The following GSTCD variants were observed in gnomAD, a reference collection of about 807,000 sequenced individuals.
The protein encoded by GSTCD is glutathione S-transferase C-terminal domain containing, also known as glutathione S-transferase C-terminal domain-containing protein.
In GSTCD, 44 loss-of-function variants were observed where a neutral mutation model predicts 68.3. The ratio of observed to expected loss-of-function variants is 0.64; its 90% CI spans 0.51 to 0.83. The LOEUF (loss-of-function observed/expected upper bound fraction) is 0.83, where lower values mean the gene tolerates loss of function less well. GSTCD is among the 40% of genes least tolerant of loss of function. GSTCD has a pLI of 0.00. For synonymous variants in GSTCD, 273 were observed against 255.2 expected, an observed-to-expected ratio of 1.07 and a Z score of -0.67; for missense variants, 739 against 735.9, an observed-to-expected ratio of 1.00 and a Z score of -0.05.
At chr4:105,790,016 C>T (rs1735604499) in intron 5 of GSTCD, among the ~76,000 whole-genome samples, 1 of 151,674 alleles carries the variant, frequency 6.6e-6, no homozygotes, top group African/African-American at 2.4e-5. Context: ...CACCAGATTA[C>T]TCTTAATATT....
chr4:105,718,108 T>A lies in GSTCD; in HGVS notation c.426+69T>A, dbSNP rs567652733. 18 of 1,198,690 alleles carry A rather than the reference T, an allele frequency of 1.5e-5. No homozygotes were observed. The African/African-American group carries it at 2.5e-4, about 16-fold the overall frequency. 74.3% of individuals were successfully genotyped at this position (1,198,690 alleles called of 1,614,324 possible). ...ATAACATAATTACCTGACCATTTAA[T>A]ATTTTAACTTCCTATTAGGAATAAA... On this transcript the variant is annotated intron_variant, in intron 2 of 11. Transcript: ENST00000515279.
intron 5 of GSTCD, among the ~76,000 whole-genome samples, chr4:105,782,593 C>CTT (rs34412787): frequency 1.2e-4 from 18 of 148,390 alleles, no homozygotes; most frequent in Non-Finnish European, 1.9e-4. Context: ...CTTGAGAATC[C>CTT]TTTTTTTTTT....
intron 5 of GSTCD, among the ~76,000 whole-genome samples, chr4:105,820,270 AT>A (rs1387289007): frequency 7.9e-5 from 12 of 151,766 alleles, no homozygotes; most frequent in African/African-American, 2.9e-4. Flanking sequence ...GAAGTGTCTA[AT>A]CAAGTACCTC....
At chr4:105,718,435 C>T (rs1442251590) in intron 2 of GSTCD, among the ~76,000 whole-genome samples, 1 of 152,182 alleles carries the variant, frequency 6.6e-6, no homozygotes, top group Non-Finnish European at 1.5e-5. Context: ...GACATGCCTG[C>T]ACTCCCTTTG....
At position 105,834,481 on chromosome 4, in the gene GSTCD, A is replaced by C. The variant is rs1724029901; in HGVS notation, c.1551A>C (p.Gly517=). The change falls in exon 9 of 12, where the codon GGA becomes GGC. Residue 517 remains glycine (G), a synonymous_variant. Coordinates refer to ENST00000515279, the MANE Select transcript of GSTCD (RefSeq NM_001370181.1). The part of the protein sequence containing the change: ...FNIGVALHAC[G]VATDMVIEHC... ...TGTAGGTAGCATTGCATGCTTGTGG[A>C]GTGGCAACAGACATGGTGATTGAGC... 1 of 1,613,926 alleles carries C rather than the reference A, an allele frequency of 6.2e-7. No individual in the cohort carries two copies.
intron 5 of GSTCD, among the ~76,000 whole-genome samples, chr4:105,750,353 G>A (rs1371126982): frequency 2.0e-5 from 3 of 151,852 alleles, no homozygotes; most frequent in Admixed American, 6.6e-5. Context: ...CTAGCTACTC[G>A]GGAGGCTGAG....
intron 5 of GSTCD, 101 bp downstream of exon 5, chr4:105,729,600 C>G: frequency 1.7e-6 from 1 of 596,462 alleles, no homozygotes; most frequent in South Asian, 3.5e-5. Context: ...ATCTAATATT[C>G]TGATTATACT....
intron 5 of GSTCD, among the ~76,000 whole-genome samples, chr4:105,765,424 ACT>A (rs1391197060): frequency 6.6e-6 from 1 of 152,060 alleles, no homozygotes; most frequent in Non-Finnish European, 1.5e-5. Flanking sequence ...CTGGAAGAAA[ACT>A]CTCTAGAAAG....
chr4:105,781,400 A>G (rs965849277), intron 5 of GSTCD, among the ~76,000 whole-genome samples: 1 of 149,354 alleles, frequency 6.7e-6, no homozygotes, highest in Non-Finnish European at 1.5e-5. Flanking sequence ...GGCGTGTGCC[A>G]TCATGCTCAG....
At chr4:105,764,771 A>G (rs1734543673) in intron 5 of GSTCD, among the ~76,000 whole-genome samples, 1 of 152,238 alleles carries the variant, frequency 6.6e-6, no homozygotes. Context: ...TGGGGGACAC[A>G]TTCAGTTCCT....
intron 7 of GSTCD, among the ~76,000 whole-genome samples, chr4:105,824,483 A>G (rs935517056): frequency 1.3e-5 from 2 of 152,208 alleles, no homozygotes; most frequent in African/African-American, 4.8e-5. Flanking sequence ...CTTTCACACC[A>G]AGTATAGTCT....
intron 8 of GSTCD, 75 bp from the exon 9 acceptor site, chr4:105,834,386 A>T: frequency 7.1e-7 from 1 of 1,411,668 alleles, no homozygotes; most frequent in Non-Finnish European, 9.8e-7. Context: ...CCAAATGAGA[A>T]CTATTTAAAA....
At chr4:105,782,466 T>C (rs555574082) in intron 5 of GSTCD, among the ~76,000 whole-genome samples, 21 of 152,294 alleles carry the variant, frequency 1.4e-4, no homozygotes, top group Admixed American at 1.2e-3. Flanking sequence ...CAGTCCAGCC[T>C]GGGCAACAGA....
chr4:105,805,742 A>G (rs1461120189), intron 5 of GSTCD, among the ~76,000 whole-genome samples: 1 of 152,124 alleles, frequency 6.6e-6, no homozygotes. Context: ...GAGGCAATGA[A>G]AGTTTTACTT....
chr4:105,743,352 G>A (rs879328788), intron 5 of GSTCD, among the ~76,000 whole-genome samples: 7 of 151,882 alleles, frequency 4.6e-5, no homozygotes, highest in African/African-American at 9.7e-5. Flanking sequence ...TGAACTCTTC[G>A]AATGTAGGAC....
intron 5 of GSTCD, among the ~76,000 whole-genome samples, chr4:105,789,675 C>A (rs1021843743): frequency 6.6e-6 from 1 of 151,918 alleles, no homozygotes; most frequent in Admixed American, 6.6e-5. Flanking sequence ...GAAGTGACAT[C>A]CCATCCCCTT....
chr4:105,826,416 TTGC>T (rs1202338531), intron 8 of GSTCD, among the ~76,000 whole-genome samples: 4 of 152,114 alleles, frequency 2.6e-5, no homozygotes, highest in East Asian at 1.9e-4. Context: ...CATGTTAGTG[TTGC>T]TGCTATTTCT....
At chr4:105,760,085 A>G (rs533543542) in intron 5 of GSTCD, among the ~76,000 whole-genome samples, 1 of 152,152 alleles carries the variant, frequency 6.6e-6, no homozygotes, top group South Asian at 2.1e-4. Context: ...ACCAGTCCAA[A>G]AAACTGTGTC....
intron 5 of GSTCD, among the ~76,000 whole-genome samples, chr4:105,785,427 T>C (rs955381611): frequency 6.6e-6 from 1 of 152,120 alleles, no homozygotes; most frequent in Non-Finnish European, 1.5e-5. Context: ...CAAAAGTCAA[T>C]TAAAATAATA....
Sources: gnomAD v4.1 joint callset for allele counts (sites outside exome capture counted in the v4.1 genomes callset) on GRCh38, gnomAD v4.1.1 for gene constraint, MANE v1.5 for transcripts, NCBI Gene and HGNC (gene_info 2026-07-23, HGNC 2026-07-21) for gene names.